Variants in TJP1 observed in about 807,000 individuals in gnomAD.
TJP1 encodes the protein tight junction protein 1, also known as tight junction protein ZO-1.
A neutral mutation model predicts 194.2 loss-of-function variants in TJP1; 43 were observed. The observed-to-expected ratio is 0.22, with a 90% CI of 0.17 to 0.29. TJP1 has a LOEUF of 0.29. Ranked by LOEUF, TJP1 falls within the 10% of genes least tolerant of loss-of-function variation. The pLI, the probability that TJP1 is intolerant of heterozygous loss-of-function variation, is 1.00. For missense variants in TJP1, 1,971 were observed against 2,185.7 expected (o/e 0.90, Z 1.96); for synonymous variants, 801 against 779.0 (o/e 1.03, Z -0.47).
chr15:29,961,334 C>CTTTTTTTTTTTTTTTTTATTTTT (rs2056150074), intron 1 of TJP1, among the ~76,000 whole-genome samples: 1 of 89,818 alleles, frequency 1.1e-5, no homozygotes, highest in Non-Finnish European at 1.9e-5. Flanking sequence ...TTTCCTAATT[C>CTTTTTTTTTTTTTTTTTATTTTT]TTTTTTTTTT....
At chr15:29,875,814 T>C (rs1009785729) in intron 2 of TJP1, among the ~76,000 whole-genome samples, 2 of 152,164 alleles carry the variant, frequency 1.3e-5, no homozygotes, top group Non-Finnish European at 2.9e-5. Context: ...TCTGCCCGCC[T>C]CGGCCTCCCA....
chr15:29,955,922 G>T (rs905858247), intron 2 of TJP1, among the ~76,000 whole-genome samples: 6 of 151,940 alleles, frequency 3.9e-5, no homozygotes, highest in African/African-American at 7.2e-5. Context: ...TTAACATGTG[G>T]ATTTGTGATT....
intron 15 of TJP1, among the ~76,000 whole-genome samples, chr15:29,731,281 T>C (rs2043642278): frequency 6.6e-6 from 1 of 152,190 alleles, no homozygotes; most frequent in Admixed American, 6.5e-5. Context: ...CATGGCCACC[T>C]TGGCACAAAA....
chr15:29,897,797 A>AT (rs575371953), intron 2 of TJP1, among the ~76,000 whole-genome samples: 37 of 152,318 alleles, frequency 2.4e-4, no homozygotes, highest in Middle Eastern at 3.4e-3. Context: ...TTGGACTCAC[A>AT]TGGGGCCTGT....
rs1567225163 is a variant in TJP1, at chr15:29,949,500, CAA to C, written c.306+6730_306+6731del. On this transcript the variant is annotated intron_variant, in intron 2 of 28. Coordinates refer to the TJP1 transcript ENST00000356107. ...TCCACAACCACCACCTCCACCTCCA[CAA>C]CCACCACCTCCACCTCCACCACCAC... is the stretch of plus-strand genomic sequence containing the variant. Among the ~76,000 whole-genome samples the C allele has an allele frequency of 1.0e-2, 768 of 76,862 alleles. 22 individuals carry two copies. Among genetic ancestry groups the C allele is most frequent in the Non-Finnish European group, 0.015 (534 of 35,656 alleles). The allele number at this position is 76,862 out of a possible 152,430, so 50.4% of individuals were successfully genotyped here.
intron 2 of TJP1, among the ~76,000 whole-genome samples, chr15:29,882,828 C>A (rs112814906): frequency 6.6e-6 from 1 of 152,056 alleles, no homozygotes; most frequent in Non-Finnish European, 1.5e-5. Context: ...AAGATTTGGC[C>A]CAAGATTTGG....
intron 1 of TJP1, chr15:29,820,796 G>GTT: frequency 1.9e-6 from 1 of 534,726 alleles, no homozygotes; most frequent in Non-Finnish European, 3.3e-6. Context: ...CTTCCTCAAT[G>GTT]TAAGGTCAAA....
At chr15:29,705,427 TAGAG>T in intron 26 of TJP1, 97 bp downstream of exon 26, 1 of 1,211,648 alleles carries the variant, frequency 8.3e-7, no homozygotes, top group Non-Finnish European at 1.2e-6. Flanking sequence ...CATCTGGAGA[TAGAG>T]AGGTGCTGCA....
At chr15:29,736,987 ATTTTC>A (rs1314314127) in intron 11 of TJP1, among the ~76,000 whole-genome samples, 5 of 152,146 alleles carry the variant, frequency 3.3e-5, no homozygotes, top group African/African-American at 4.8e-5. Context: ...TATAAGACTT[ATTTTC>A]TTTTATTTCC....
chr15:29,767,739 A>T (rs374772760), intron 4 of TJP1, among the ~76,000 whole-genome samples: 2 of 147,772 alleles, frequency 1.4e-5, no homozygotes, highest in East Asian at 4.0e-4. Context: ...GTGCCATTTT[A>T]CTCCCCCTCC....
At chr15:29,722,577 C>A (rs374881499) in intron 18 of TJP1, among the ~76,000 whole-genome samples, 1 of 152,178 alleles carries the variant, frequency 6.6e-6, no homozygotes, top group Admixed American at 6.5e-5. Context: ...TCATGGAGCA[C>A]CTCCAGGGCA....
At chr15:29,886,968 G>A (rs1460426022) in intron 2 of TJP1, among the ~76,000 whole-genome samples, 1 of 151,926 alleles carries the variant, frequency 6.6e-6, no homozygotes, top group Non-Finnish European at 1.5e-5. Context: ...GTCCTGCAGG[G>A]GGACTGGCCC....
intron 2 of TJP1, among the ~76,000 whole-genome samples, chr15:29,792,190 C>T (rs1241818352): frequency 6.6e-6 from 1 of 152,124 alleles, no homozygotes; most frequent in Admixed American, 6.6e-5. Context: ...AAACCTTAGC[C>T]CATACCAATG....
rs973846962 is a variant in TJP1 at position 29,887,253 on chromosome 15, T to TATATATAATATAAATATATAC, written c.306+68958_306+68978dup. On this transcript the variant is annotated intron_variant, in intron 2 of 28. Coordinates refer to the TJP1 transcript ENST00000356107. ...TGTTAAGGTAGAAAAATATATTGTA[T>TATATATAATATAAATATATAC]ATATATAATATAAATATATACATAT... 1.6e-4 allele frequency among the ~76,000 whole-genome samples: 23 copies of TATATATAATATAAATATATAC among 148,210 alleles called. No individual in the cohort carries two copies. The South Asian group carries it at 2.3e-3, about 15-fold the overall frequency.
chr15:29,738,865 T>TAAAAAAA (rs71103406), intron 10 of TJP1, among the ~76,000 whole-genome samples: 34 of 48,860 alleles, frequency 7.0e-4, no homozygotes, highest in African/African-American at 2.7e-3. Flanking sequence ...CTGTCACTAC[T>TAAAAAAA]AAAAAAAAAA....
intron 25 of TJP1, among the ~76,000 whole-genome samples, chr15:29,707,963 G>A (rs994738189): frequency 3.3e-5 from 5 of 152,094 alleles, no homozygotes; most frequent in Admixed American, 6.5e-5. Flanking sequence ...TTTGGGAGGT[G>A]GAGGCGGATG....
At chr15:29,871,380 C>T (rs1203809928) in intron 2 of TJP1, among the ~76,000 whole-genome samples, 2 of 152,244 alleles carry the variant, frequency 1.3e-5, no homozygotes, top group African/African-American at 4.8e-5. Context: ...ACATCTCCTT[C>T]CAGCTCCCCT....
At chr15:29,742,020 G>T (rs1022090345) in intron 9 of TJP1, among the ~76,000 whole-genome samples, 4 of 152,028 alleles carry the variant, frequency 2.6e-5, no homozygotes, top group African/African-American at 9.7e-5. Context: ...GCCAGGAGTT[G>T]GAGACCAACC....
intron 2 of TJP1, among the ~76,000 whole-genome samples, chr15:29,842,416 A>G (rs1239407518): frequency 1.5e-5 from 2 of 136,986 alleles, no homozygotes; most frequent in African/African-American, 5.6e-5. Context: ...TCAGGGTGCA[A>G]GGAGGGAACC....
Sources: gnomAD v4.1 joint callset for allele counts (sites outside exome capture counted in the v4.1 genomes callset) on GRCh38, gnomAD v4.1.1 for gene constraint, MANE v1.5 for transcripts, NCBI Gene and HGNC (gene_info 2026-07-23, HGNC 2026-07-21) for gene names.